MEGF11: variants seen among roughly 807,000 people sequenced by gnomAD.
The protein encoded by MEGF11 is multiple EGF like domains 11, also known as multiple epidermal growth factor-like domains protein 11.
A neutral mutation model predicts 146.6 loss-of-function variants in MEGF11; 126 were observed. That is an observed-to-expected ratio of 0.86 (90% CI 0.74 to 1.00). MEGF11 has a LOEUF of 1.00. Among genes scored for constraint, MEGF11 ranks in the 50% least tolerant of loss-of-function variants. The probability of loss-of-function intolerance (pLI) is 0.00; values close to 1 mark genes in which losing one functional copy is unlikely to be tolerated. For synonymous variants in MEGF11, 532 were observed against 583.4 expected (o/e 0.91, Z 1.27); for missense variants, 1,509 against 1,521.2 (o/e 0.99, Z 0.13).
At chr15:65,925,604 G>A (rs1278275742) in intron 13 of MEGF11, among the ~76,000 whole-genome samples, 1 of 152,160 alleles carries the variant, frequency 6.6e-6, no homozygotes, top group African/African-American at 2.4e-5. Context: ...ACCTTCCTGG[G>A]CCCCAGTTTT....
At chr15:66,200,212 G>C (rs574843439) in intron 1 of MEGF11, among the ~76,000 whole-genome samples, 1 of 152,314 alleles carries the variant, frequency 6.6e-6, no homozygotes, top group South Asian at 2.1e-4. Flanking sequence ...ACTGAGCTAG[G>C]CCCTGCTTTA....
At chr15:66,232,175 G>A (rs2091980060) in intron 1 of MEGF11, among the ~76,000 whole-genome samples, 1 of 152,200 alleles carries the variant, frequency 6.6e-6, no homozygotes, top group Non-Finnish European at 1.5e-5. Context: ...TCCAGAGGCA[G>A]GTCTCAAGAG....
At chr15:66,094,953 TCCC>T (rs1477936895) in intron 4 of MEGF11, among the ~76,000 whole-genome samples, 1 of 151,968 alleles carries the variant, frequency 6.6e-6, no homozygotes. Flanking sequence ...TTCTCACTTT[TCCC>T]CCCACCTTTC....
intron 20 of MEGF11, among the ~76,000 whole-genome samples, chr15:65,912,776 C>T (rs189269582): frequency 6.6e-5 from 10 of 152,342 alleles, no homozygotes; most frequent in South Asian, 6.2e-4. Context: ...TCCTTGAAGG[C>T]ATGGTGTGCA....
rs368460684 is a variant in MEGF11, at chr15:66,199,126, A to G, written c.-9+54479T>C. Reference sequence around the variant, plus strand: ...CCAAAGGGGCAAAGGGGTCTGTGGCATGCAAGGGAAAAAAAACATATCTCC... The same window carrying G: ...CCAAAGGGGCAAAGGGGTCTGTGGCGTGCAAGGGAAAAAAAACATATCTCC... On this transcript the variant is annotated intron_variant, in intron 1 of 25. Transcript: ENST00000395614. Among the ~76,000 whole-genome samples, 130 of 152,240 alleles carry G rather than the reference A, an allele frequency of 8.5e-4. 9 individuals carry two copies. The South Asian group carries it at 0.027, about 31-fold the overall frequency.
intron 5 of MEGF11, among the ~76,000 whole-genome samples, chr15:66,031,202 G>T (rs1365785451): frequency 6.6e-6 from 1 of 152,120 alleles, no homozygotes; most frequent in Non-Finnish European, 1.5e-5. Flanking sequence ...CTTTTTCCAT[G>T]AAGCACAGCC....
chr15:66,031,825 G>A (rs1656746239), intron 5 of MEGF11, among the ~76,000 whole-genome samples: 1 of 152,208 alleles, frequency 6.6e-6, no homozygotes, highest in Admixed American at 6.5e-5. Flanking sequence ...CTCGTGAATG[G>A]ATTAATGTTG....
intron 5 of MEGF11, among the ~76,000 whole-genome samples, chr15:65,997,235 T>A (rs2082226841): frequency 2.0e-5 from 3 of 152,152 alleles, no homozygotes; most frequent in African/African-American, 7.2e-5. Context: ...TGAGAGTTAT[T>A]ATCAAAGGAT....
chr15:66,071,229 G>GTC (rs1397568386), intron 5 of MEGF11, among the ~76,000 whole-genome samples: 2 of 152,168 alleles, frequency 1.3e-5, no homozygotes, highest in African/African-American at 4.8e-5. Context: ...GACTATGCCT[G>GTC]TCTCTCTCTC....
At chr15:65,910,922 G>A (rs1278075341) in intron 21 of MEGF11, among the ~76,000 whole-genome samples, 2 of 152,212 alleles carry the variant, frequency 1.3e-5, no homozygotes, top group Non-Finnish European at 1.5e-5. Context: ...GCACAGGTGG[G>A]TGTCCAGAGG....
intron 1 of MEGF11, among the ~76,000 whole-genome samples, chr15:66,213,724 G>A (rs989373036): frequency 6.6e-6 from 1 of 151,606 alleles, no homozygotes; most frequent in Non-Finnish European, 1.5e-5. Context: ...GCCTTAAATT[G>A]TTTATTTTAT....
At chr15:65,986,236 G>A (rs1424085041) in intron 5 of MEGF11, among the ~76,000 whole-genome samples, 1 of 152,050 alleles carries the variant, frequency 6.6e-6, no homozygotes, top group Non-Finnish European at 1.5e-5. Flanking sequence ...TGTGGCTCAG[G>A]ACAATGTCTG....
At chr15:65,961,651 C>T (rs944276060) in intron 9 of MEGF11, among the ~76,000 whole-genome samples, 8 of 152,222 alleles carry the variant, frequency 5.3e-5, no homozygotes, top group African/African-American at 1.9e-4. Context: ...CTTCTTCCTT[C>T]CCAGGGCATG....
At chr15:66,077,973 G>A (rs761052121) in intron 5 of MEGF11, among the ~76,000 whole-genome samples, 1 of 152,188 alleles carries the variant, frequency 6.6e-6, no homozygotes, top group Non-Finnish European at 1.5e-5. Flanking sequence ...GCAGGCAATA[G>A]AGAGCAGGGA....
chr15:66,123,939 A>C lies in MEGF11; in HGVS notation c.160T>G (p.Cys54Gly). 1 of 1,614,030 alleles carries C rather than the reference A, an allele frequency of 6.2e-7. No homozygotes were observed. The highest frequency in any genetic ancestry group is 8.5e-7 in the Non-Finnish European group (1 of 1,179,884). Residue 54 changes from cysteine to glycine, a missense_variant, in exon 3 of 26, where the codon TGC becomes GGC. Coordinates refer to ENST00000395614, the MANE Select transcript of MEGF11 (RefSeq NM_001385028.1). The part of the protein sequence containing the change: ...HPFDQIYYTR[C>G]TDILNWFKCT... Reference sequence around the variant, plus strand: ...TTGAACCAGTTGAGGATGTCTGTGCATCGTGTGTAATAGATCTGATCGAAG... The same window carrying C: ...TTGAACCAGTTGAGGATGTCTGTGCCTCGTGTGTAATAGATCTGATCGAAG...
intron 5 of MEGF11, among the ~76,000 whole-genome samples, chr15:65,985,075 C>T (rs1596954913): frequency 6.6e-6 from 1 of 152,134 alleles, no homozygotes; most frequent in Non-Finnish European, 1.5e-5. Context: ...GGCCAGACAG[C>T]CACATTTTAA....
chr15:65,966,264 G>A (rs759329308), intron 8 of MEGF11, among the ~76,000 whole-genome samples: 13 of 152,202 alleles, frequency 8.5e-5, no homozygotes, highest in Non-Finnish European at 1.8e-4. Flanking sequence ...AAAGTGCTGG[G>A]ATTACAGGCA....
At chr15:66,245,403 G>A (rs1214533179) in intron 1 of MEGF11, among the ~76,000 whole-genome samples, 1 of 152,034 alleles carries the variant, frequency 6.6e-6, no homozygotes, top group Non-Finnish European at 1.5e-5. Context: ...CAAGGTGGGA[G>A]GACTGCTTGA....
At chr15:66,155,753 A>ACCCT (rs1458813999) in intron 1 of MEGF11, among the ~76,000 whole-genome samples, 1 of 151,878 alleles carries the variant, frequency 6.6e-6, no homozygotes, top group East Asian at 1.9e-4. Context: ...CCTCATCCCA[A>ACCCT]CCCTCAGGAA....
Sources: allele counts gnomAD v4.1 joint callset (sites outside exome capture counted in the v4.1 genomes callset), GRCh38; gene constraint gnomAD v4.1.1; transcripts MANE v1.5; gene names NCBI Gene and HGNC (gene_info 2026-07-23, HGNC 2026-07-21).